The following POLG variants were observed in gnomAD, a reference collection of about 807,000 sequenced individuals.
The protein encoded by POLG is DNA polymerase subunit gamma-1.
POLG carries 110 observed loss-of-function variants against 155.4 expected under a neutral mutation model. The observed-to-expected ratio is 0.71, with a 90% CI of 0.61 to 0.83. POLG has a LOEUF of 0.83. POLG is among the 40% of genes least tolerant of loss of function. The pLI is 0.00. For synonymous variants in POLG, 701 were observed against 631.5 expected (o/e 1.11, Z -1.65); for missense variants, 1,685 against 1,627.5 (o/e 1.04, Z -0.61).
At position 89,320,855 on chromosome 15, in the gene POLG, G is replaced by C; in HGVS notation, c.2892C>G (p.Arg964=). The change falls in exon 18 of 23, where the codon CGC becomes CGG. Residue 964 remains arginine (R), a synonymous_variant. Transcript: ENST00000268124. ...GCCGGTGGTTAAACTGCATTAGTAA[G>C]CGCTCAGCAAAGGGCTGCCCAGCAC... The part of the protein sequence containing the change: ...IYGAGQPFAE[R]LLMQFNHRLT... 1.2e-6 allele frequency: 2 copies of C among 1,613,952 alleles called. No individual in the cohort carries two copies. The highest frequency in any genetic ancestry group is 8.5e-7 in the Non-Finnish European group (1 of 1,180,014).
At chr15:89,331,932 A>G (rs965601000) in intron 2 of POLG, among the ~76,000 whole-genome samples, 2 of 152,208 alleles carry the variant, frequency 1.3e-5, no homozygotes, top group Admixed American at 1.3e-4. Flanking sequence ...AGGGAGGGAA[A>G]GGAGAGGTAA....
chr15:89,317,720 C>A, intron 21 of POLG, 184 bp from the exon 22 acceptor site: 1 of 641,574 alleles, frequency 1.6e-6, no homozygotes, highest in Non-Finnish European at 2.8e-6. Context: ...AGCCTAACCT[C>A]CCACTGAGAT....
In POLG at chr15:89,318,988, G is replaced by C. The variant is rs146936870; in HGVS notation, c.3216C>G (p.Thr1072=). 6.6e-5 allele frequency: 107 copies of C among 1,614,010 alleles called. No homozygotes were observed. The highest frequency in any genetic ancestry group is 4.9e-4 in the Middle Eastern group (3 of 6,084). The change falls in exon 20 of 23, where the codon ACC becomes ACG. Residue 1072 remains threonine, a synonymous_variant. Coordinates refer to ENST00000268124, the MANE Select transcript of POLG (RefSeq NM_002693.3). ...GGCTGATGCAGCAGCCCAGCACCGG[G>C]GTACGTGGTATGTCAGACGTAGCAA... ...ESIATSDIPR[T]PVLGCCISRA... is the part of the protein sequence containing the mutation.
Position 89,317,281 on chromosome 15 carries a change from A to C in POLG, c.3643+95T>G. ...AGAATATAGCCTGAGTCAAGAGTGG[A>C]TTCTCTGGGGCCCCAAGTTTCCTGT... On this transcript the variant is annotated intron_variant, in intron 22 of 22. Transcript: ENST00000268124. The C allele has an allele frequency of 2.7e-6, 3 of 1,124,670 alleles. No homozygotes were observed. In the South Asian group the frequency reaches 3.8e-5, roughly 14 times the overall value. 69.7% of individuals were successfully genotyped at this position (1,124,670 alleles called of 1,614,324 possible). A position where few individuals can be genotyped will look rare whatever the true frequency, so the allele number is the denominator to read the frequency against.
intron 5 of POLG, 46 bp downstream of exon 5, chr15:89,328,639 G>T: frequency 1.2e-6 from 2 of 1,612,852 alleles, no homozygotes; most frequent in Middle Eastern, 1.7e-4. Flanking sequence ...GTGCAGCTAG[G>T]GGTGTGCCAC....
In POLG at chr15:89,316,603, A is replaced by C. The variant is rs2055273285; in HGVS notation, c.*148T>G. On this transcript the variant is annotated 3_prime_UTR_variant, in exon 23 of 23. Transcript: ENST00000268124. ...GAATTCAACTGCACCTTCAGTTAGA[A>C]GGAATCTTCTTGGCAGGTCCTGCTA... 1 of 1,108,606 alleles carries C rather than the reference A, an allele frequency of 9.0e-7. No individual in the cohort carries two copies. Among genetic ancestry groups the C allele is most frequent in the Admixed American group, 1.9e-5 (1 of 51,390 alleles). The allele number at this position is 1,108,606 out of a possible 1,614,324, so 68.7% of individuals were successfully genotyped here. A position where few individuals can be genotyped will look rare whatever the true frequency, so the allele number is the denominator to read the frequency against.
intron 14 of POLG, among the ~76,000 whole-genome samples, chr15:89,322,254 C>CG (rs1277673807): frequency 2.0e-5 from 3 of 152,158 alleles, no homozygotes; most frequent in Non-Finnish European, 4.4e-5. Flanking sequence ...CGCTCCTCTC[C>CG]GGGGGGCATC....
Position 89,327,165 on chromosome 15 carries a change from A to T in POLG, c.1433+2T>A. 6.2e-7 allele frequency: 1 copy of T among 1,614,154 alleles called. No individual in the cohort carries two copies. Among genetic ancestry groups the T allele is most frequent in the Non-Finnish European group, 8.5e-7 (1 of 1,180,006 alleles). ...GATCCTGCCCACCCAAGGCCTGGCT[A>T]CCTCTCTCCTGAGAGCAGCTGGCAG... On this transcript the variant is annotated splice_donor_variant, in intron 7 of 22. Transcript: ENST00000268124. LOFTEE classifies it high-confidence loss of function.
chr15:89,323,469 G>C lies in POLG; in HGVS notation c.2200C>G (p.His734Asp). The part of the protein sequence containing the change: ...GPKDTQPSYH[H>D]GNGPYNDVDI... ...ACGTCGTTGTAAGGTCCATTGCCAT[G>C]GTGATAGCTGGGCTGGGTGTCCTTG... Residue 734 changes from histidine (H) to aspartate (D), a missense_variant, in exon 13 of 23, where the codon CAT becomes GAT. Around this residue, in one of 3 missense-constraint regions of POLG, gnomAD observed 1,210 missense variants for 1,167.1 expected, o/e 1.04. Coordinates refer to ENST00000268124, the MANE Select transcript of POLG (RefSeq NM_002693.3). 2 of 1,614,010 alleles carry C rather than the reference G, an allele frequency of 1.2e-6. No homozygotes were observed. Among genetic ancestry groups the C allele is most frequent in the Non-Finnish European group, 1.7e-6 (2 of 1,179,866 alleles).
chr15:89,325,089 T>TGAGTGAGTGAGTGAGTGAGTGAGTGAGA (rs2055465360), intron 10 of POLG, among the ~76,000 whole-genome samples: 1 of 41,220 alleles, frequency 2.4e-5, no homozygotes, highest in African/African-American at 1.2e-4. Flanking sequence ...AGTGAGAGAG[T>TGAGTGAGTGAGTGAGTGAGTGAGTGAGA]GAGTGAGTGA....
intron 14 of POLG, 60 bp downstream of exon 14, chr15:89,322,682 G>A: frequency 6.4e-7 from 1 of 1,557,526 alleles, no homozygotes; most frequent in Non-Finnish European, 8.8e-7. Context: ...GGTTAGTCAG[G>A]GGTCCCTGGG....
In POLG at chr15:89,322,809, T is replaced by C; in HGVS notation, c.2359A>G (p.Ser787Gly). The change falls in exon 14 of 23, where the codon AGT becomes GGT. Residue 787 changes from serine (S) to glycine (G), a missense_variant. Transcript: ENST00000268124. ...GTLQAGPGGA[S>G]GPRALEINKM... ...TTGATTTCCAGAGCACGGGGCCCAC[T>C]GGCACCTCCTGGGCCAGCCTGCAGG... is the stretch of plus-strand genomic sequence containing the variant. 3 of 1,614,152 alleles carry C rather than the reference T, an allele frequency of 1.9e-6. No homozygotes were observed. The highest frequency in any genetic ancestry group is 2.5e-6 in the Non-Finnish European group (3 of 1,180,018).
chr15:89,325,298 G>GA (rs369739939), intron 10 of POLG, 152 bp downstream of exon 10: 133,560 of 529,702 alleles, frequency 0.25, 16,339 homozygotes, highest in South Asian at 0.28. Flanking sequence ...GAGAGAGAGA[G>GA]GGTGTGTGTG....
rs2055271985 is a variant in POLG at position 89,316,562 on chromosome 15, T to G, written c.*189A>C. The G allele has an allele frequency of 7.7e-7, 1 of 1,295,926 alleles. No individual in the cohort carries two copies. Among genetic ancestry groups the G allele is most frequent in the African/African-American group, 1.5e-5 (1 of 68,114 alleles). The allele number at this position is 1,295,926 out of a possible 1,614,324, so 80.3% of individuals were successfully genotyped here. ...GTAGTCCACACCGATGTTGGCATCT[T>G]GGTTCTGAACCCACTGAATTCAACT... On this transcript the variant is annotated 3_prime_UTR_variant, in exon 23 of 23. Coordinates refer to ENST00000268124, the MANE Select transcript of POLG (RefSeq NM_002693.3).
In POLG at chr15:89,316,756, G is replaced by A. The variant is rs759405334; in HGVS notation, c.3715C>T (p.Pro1239Ser). 23 of 1,611,946 alleles carry A rather than the reference G, an allele frequency of 1.4e-5. No homozygotes were observed. Among genetic ancestry groups the A allele is most frequent in the Non-Finnish European group, 2.0e-5 (23 of 1,177,988 alleles). Reference protein sequence around the residue: ...GSLEKRSQPGP With the variant: ...GSLEKRSQPGS ...TACAGAGCCTCCAGGCAGTGCTATG[G>A]TCCAGGCTGGCTTCGTTTTTCCAAG... is the stretch of plus-strand genomic sequence containing the variant. Residue 1239 changes from proline (P) to serine (S), a missense_variant, in exon 23 of 23, where the codon CCA becomes TCA. By Grantham distance (74) the Pro-to-Ser change is moderately conservative (BLOSUM62 -1). Coordinates refer to ENST00000268124, the MANE Select transcript of POLG (RefSeq NM_002693.3).
chr15:89,320,662 G>C (rs1232728808), intron 18 of POLG, 104 bp downstream of exon 18: 1 of 1,303,232 alleles, frequency 7.7e-7, no homozygotes, highest in Non-Finnish European at 1.1e-6. Flanking sequence ...GGCTAGGTGA[G>C]AGTTCAAGTA....
At chr15:89,320,639 G>A (rs2055380400) in intron 18 of POLG, 127 bp downstream of exon 18, 1 of 1,061,576 alleles carries the variant, frequency 9.4e-7, no homozygotes, top group South Asian at 1.4e-5. Flanking sequence ...TTACACAGGT[G>A]TGGAAGGAGA....
intron 22 of POLG, 31 bp from the exon 23 acceptor site, chr15:89,316,858 C>A (rs1331011233): frequency 3.3e-6 from 5 of 1,509,560 alleles, no homozygotes; most frequent in Non-Finnish European, 4.6e-6. Flanking sequence ...GTTAGGATGC[C>A]ACCTCAAGAA....
chr15:89,334,773 T>A lies in POLG; in HGVS notation c.-260A>T, dbSNP rs567426631. ...GCCTACGCAGCCTCGGGGTAGCGTG[T>A]GGCCTCCACCCGGCCGGTCCGCTTC... On this transcript the variant is annotated 5_prime_UTR_variant, in exon 1 of 23. Coordinates refer to ENST00000268124, the MANE Select transcript of POLG (RefSeq NM_002693.3). The A allele has an allele frequency of 2.6e-5, 4 of 152,438 alleles. No homozygotes were observed. In the South Asian group the frequency reaches 8.3e-4, roughly 32 times the overall value. The allele number at this position is 152,438 out of a possible 1,614,324, so 9.4% of individuals were successfully genotyped here.
Sources: gnomAD v4.1 joint callset for allele counts (sites outside exome capture counted in the v4.1 genomes callset) on GRCh38, gnomAD v4.1.1 for gene constraint, gnomAD v4.1.1 regional missense constraint, MANE v1.5 for transcripts, NCBI Gene and HGNC (gene_info 2026-07-23, HGNC 2026-07-21) for gene names.